The following WDR70 variants were observed in gnomAD, a reference collection of about 807,000 sequenced individuals.
WDR70 encodes the protein WD repeat-containing protein 70.
WDR70 carries 53 observed loss-of-function variants against 88.6 expected under a neutral mutation model. That is an observed-to-expected ratio of 0.60 (90% CI 0.48 to 0.75). The LOEUF is 0.75. Among genes scored for constraint, WDR70 ranks in the 30% least tolerant of loss-of-function variants. WDR70 has a pLI of 0.00. For synonymous variants in WDR70, 280 were observed against 270.0 expected (o/e 1.04, Z -0.36); for missense variants, 610 against 823.2 (o/e 0.74, Z 3.17).
chr5:37,639,569 T>C (rs1410498197), intron 10 of WDR70, among the ~76,000 whole-genome samples: 1 of 152,178 alleles, frequency 6.6e-6, no homozygotes. Flanking sequence ...CTTTCTGGTC[T>C]AAGTTTGTTG....
At chr5:37,563,760 C>G (rs1308481907) in intron 9 of WDR70, among the ~76,000 whole-genome samples, 1 of 135,556 alleles carries the variant, frequency 7.4e-6, no homozygotes. Flanking sequence ...ATGCTCCTCA[C>G]GTCCCAGACG....
At chr5:37,510,078 C>A (rs987633754) in intron 8 of WDR70, among the ~76,000 whole-genome samples, 1 of 140,178 alleles carries the variant, frequency 7.1e-6, no homozygotes, top group Non-Finnish European at 1.6e-5. Context: ...AACAAACACT[C>A]CCCCCCCCAA....
At chr5:37,611,100 G>A (rs184632271) in intron 10 of WDR70, among the ~76,000 whole-genome samples, 69 of 152,238 alleles carry the variant, frequency 4.5e-4, no homozygotes, top group South Asian at 2.9e-3. Context: ...ACTTCTCACC[G>A]TTGGACACCA....
At chr5:37,423,530 T>C (rs1750015008) in intron 5 of WDR70, among the ~76,000 whole-genome samples, 1 of 150,974 alleles carries the variant, frequency 6.6e-6, no homozygotes, top group Non-Finnish European at 1.5e-5. Context: ...GATTTGCTGC[T>C]GCTTAGGTTG....
intron 8 of WDR70, among the ~76,000 whole-genome samples, chr5:37,497,926 A>T (rs1477450260): frequency 6.6e-6 from 1 of 152,076 alleles, no homozygotes; most frequent in African/African-American, 2.4e-5. Flanking sequence ...GGTTCAAGTG[A>T]TTCTCATGCT....
chr5:37,444,515 A>G lies in WDR70; in HGVS notation c.686+1143A>G, dbSNP rs543700253. Among the ~76,000 whole-genome samples the G allele has an allele frequency of 2.6e-5, 4 of 151,568 alleles. No individual in the cohort carries two copies. The East Asian group carries it at 5.9e-4, about 22-fold the overall frequency. On this transcript the variant is annotated intron_variant, in intron 7 of 17. Transcript: ENST00000265107. The stretch of plus-strand genomic sequence containing the variant: ...ACCACCATGCCTGGCTAATTTTTGT[A>G]TTTTTTTGGTAGAGATGGGGTTTCA...
intron 9 of WDR70, among the ~76,000 whole-genome samples, chr5:37,594,733 A>G (rs1743649597): frequency 6.6e-6 from 1 of 152,204 alleles, no homozygotes; most frequent in Non-Finnish European, 1.5e-5. Context: ...CTTGGGCAGT[A>G]TGGCCATTTT....
intron 9 of WDR70, among the ~76,000 whole-genome samples, chr5:37,600,449 C>T (rs1389316326): frequency 6.6e-6 from 1 of 150,764 alleles, no homozygotes; most frequent in Non-Finnish European, 1.5e-5. Context: ...ATGGCATGAA[C>T]CCGCAAGGCG....
intron 9 of WDR70, among the ~76,000 whole-genome samples, chr5:37,522,139 T>G (rs1581362141): frequency 1.3e-5 from 2 of 152,292 alleles, no homozygotes; most frequent in Middle Eastern, 6.8e-3. Context: ...TGAGCATTTT[T>G]CCATATGCTT....
At chr5:37,693,019 C>T (rs2112641782) in intron 10 of WDR70, among the ~76,000 whole-genome samples, 1 of 152,310 alleles carries the variant, frequency 6.6e-6, no homozygotes, top group African/African-American at 2.4e-5. Context: ...TCAGCAAACT[C>T]TCGGGATACA....
At chr5:37,432,980 C>T (rs1047094198) in intron 5 of WDR70, among the ~76,000 whole-genome samples, 1 of 152,114 alleles carries the variant, frequency 6.6e-6, no homozygotes, top group Non-Finnish European at 1.5e-5. Flanking sequence ...CAAATTTTCT[C>T]CCATTTCTCT....
chr5:37,390,430 C>G (rs1363850702), intron 3 of WDR70, among the ~76,000 whole-genome samples: 1 of 150,738 alleles, frequency 6.6e-6, no homozygotes, highest in Non-Finnish European at 1.5e-5. Flanking sequence ...AGCTCTGCCT[C>G]CTGGGTTCAC....
intron 4 of WDR70, among the ~76,000 whole-genome samples, chr5:37,393,784 GATCCTCC>G (rs1748921414): frequency 1.3e-5 from 2 of 152,094 alleles, no homozygotes; most frequent in African/African-American, 4.8e-5. Flanking sequence ...AGACTCAAGT[GATCCTCC>G]CACCTCAGCC....
At chr5:37,446,628 T>G (rs1466439419) in intron 7 of WDR70, among the ~76,000 whole-genome samples, 2 of 151,944 alleles carry the variant, frequency 1.3e-5, no homozygotes, top group South Asian at 4.2e-4. Context: ...CCCTCAGAAA[T>G]AATACCACAC....
At chr5:37,595,605 T>C (rs1056419006) in intron 9 of WDR70, among the ~76,000 whole-genome samples, 2 of 152,186 alleles carry the variant, frequency 1.3e-5, no homozygotes, top group African/African-American at 4.8e-5. Context: ...CTAAAATTCA[T>C]CTGGAAATGT....
intron 10 of WDR70, among the ~76,000 whole-genome samples, chr5:37,661,188 A>C (rs1325053885): frequency 1.3e-5 from 2 of 152,204 alleles, no homozygotes; most frequent in Non-Finnish European, 2.9e-5. Flanking sequence ...ATCTCAATAT[A>C]TGTGGCAGGT....
At chr5:37,721,280 A>C (rs1581526320) in intron 14 of WDR70, 65 bp downstream of exon 14, 11 of 1,367,844 alleles carry the variant, frequency 8.0e-6, no homozygotes, top group Non-Finnish European at 1.0e-5. Flanking sequence ...TTTCCCTCCC[A>C]CCCCCGCTTT....
At chr5:37,554,668 G>A (rs1025073066) in intron 9 of WDR70, among the ~76,000 whole-genome samples, 6 of 108,452 alleles carry the variant, frequency 5.5e-5, no homozygotes, top group Non-Finnish European at 9.3e-5. Flanking sequence ...ACACACGCAT[G>A]CACCTGCACG....
chr5:37,683,483 T>G (rs1746498031), intron 10 of WDR70, among the ~76,000 whole-genome samples: 1 of 152,224 alleles, frequency 6.6e-6, no homozygotes, highest in Non-Finnish European at 1.5e-5. Flanking sequence ...CTGTTAATGG[T>G]CTTTCCTTTC....
Sources: gnomAD v4.1 joint callset for allele counts (sites outside exome capture counted in the v4.1 genomes callset) on GRCh38, gnomAD v4.1.1 for gene constraint, MANE v1.5 for transcripts, NCBI Gene and HGNC (gene_info 2026-07-23, HGNC 2026-07-21) for gene names.